Variants in ABCB5 observed in about 807,000 individuals in gnomAD.
ABCB5 encodes the protein ATP binding cassette subfamily B member 5, also known as ATP-binding cassette sub-family B member 5.
A neutral mutation model predicts 144.2 loss-of-function variants in ABCB5; 155 were observed. That is an observed-to-expected ratio of 1.08 (90% confidence interval 0.94 to 1.23). ABCB5 has a LOEUF of 1.23. ABCB5 is among the 50% of genes most tolerant of loss of function. The pLI is 0.00. For synonymous variants in ABCB5, 610 were observed against 528.6 expected (o/e 1.15, Z -2.11); for missense variants, 1,830 against 1,520.8 (o/e 1.20, Z -3.38).
chr7:20,638,540 C>A (rs1784213494), intron 5 of ABCB5, among the ~76,000 whole-genome samples: 1 of 152,192 alleles, frequency 6.6e-6, no homozygotes, highest in South Asian at 2.1e-4. Flanking sequence ...CTTGAGGCAA[C>A]TCCTTATCTG....
At chr7:20,693,189 C>A (rs1786291381) in intron 16 of ABCB5, among the ~76,000 whole-genome samples, 1 of 151,552 alleles carries the variant, frequency 6.6e-6, no homozygotes, top group South Asian at 2.1e-4. Flanking sequence ...ATAGGGAGAC[C>A]CTGTTTCTAC....
intron 22 of ABCB5, among the ~76,000 whole-genome samples, chr7:20,727,730 A>G (rs1478166259): frequency 2.0e-5 from 3 of 152,244 alleles, no homozygotes; most frequent in Admixed American, 6.5e-5. Flanking sequence ...ACACAGCAAG[A>G]GAAAAGAGCT....
rs761427309 is a variant in ABCB5 at position 20,698,477 on chromosome 7, T to G, written c.2081T>G (p.Leu694Arg). 3 of 1,605,032 alleles carry G rather than the reference T, an allele frequency of 1.9e-6. No homozygotes were observed. Among genetic ancestry groups the G allele is most frequent in the Non-Finnish European group, 2.5e-6 (3 of 1,177,178 alleles). ...AAGCCTGAATGGCCTTTTGTGGTTC[T>G]GGGGACATTGGCTTCTGTTCTAAAT... ...LNKPEWPFVVLGTLASVLNGT... is the reference protein window; with the variant it reads ...LNKPEWPFVVRGTLASVLNGT... The change falls in exon 17 of 28, where the codon CTG (leucine) becomes CGG (arginine). Residue 694 changes from leucine to arginine, a missense_variant. Coordinates refer to ENST00000404938, the MANE Select transcript of ABCB5 (RefSeq NM_001163941.2).
At position 20,645,635 on chromosome 7, in the gene ABCB5, G is replaced by A. The variant is rs985230100; in HGVS notation, c.679-121G>A. ...TTGAAGACAAATTTTTAAAAATACA[G>A]AGATAAAGTCTAAAAAAATACCATT... On this transcript the variant is annotated intron_variant, in intron 7 of 27. Transcript: ENST00000404938. 7 of 1,247,076 alleles carry A rather than the reference G, an allele frequency of 5.6e-6. No homozygotes were observed. The African/African-American group carries it at 9.1e-5, about 16-fold the overall frequency. The allele number at this position is 1,247,076 out of a possible 1,614,324, so 77.3% of individuals were successfully genotyped here.
intron 14 of ABCB5, chr7:20,659,968 G>A (rs1373547178): frequency 2.6e-5 from 26 of 985,302 alleles, no homozygotes; most frequent in Admixed American, 1.8e-4. Context: ...ACAGGTGTGC[G>A]TCTCCGCGCC....
intron 14 of ABCB5, chr7:20,666,640 C>G: frequency 7.7e-7 from 1 of 1,292,580 alleles, no homozygotes; most frequent in Non-Finnish European, 1.0e-6. Flanking sequence ...CAAGTAGAGA[C>G]CTGTCTTCCT....
chr7:20,723,275 C>G, intron 21 of ABCB5, 56 bp downstream of exon 21: 1 of 1,526,352 alleles, frequency 6.6e-7, no homozygotes, highest in Non-Finnish European at 9.0e-7. Context: ...ACAGTCAGAA[C>G]TTTATGATAT....
In ABCB5 at chr7:20,755,637, A is replaced by G. The variant is rs778511230; in HGVS notation, c.*13A>G. The G allele has an allele frequency of 6.2e-7, 1 of 1,612,756 alleles. No individual in the cohort carries two copies. The highest frequency in any genetic ancestry group is 2.2e-5 in the East Asian group (1 of 44,874). ...GTCAGTGCAGTGATGCTGTTGAGGT[A>G]GCACATATTTTGATGTTCGTGTAAT... On this transcript the variant is annotated 3_prime_UTR_variant, in exon 28 of 28. Coordinates refer to ENST00000404938, the MANE Select transcript of ABCB5 (RefSeq NM_001163941.2).
At chr7:20,626,855 GTGT>G (rs1783921143) in intron 3 of ABCB5, among the ~76,000 whole-genome samples, 1 of 13,772 alleles carries the variant, frequency 7.3e-5, no homozygotes, top group Admixed American at 5.5e-4. Context: ...TGTTTTTGGG[GTGT>G]GTGTGTGTGT....
At chr7:20,735,144 G>C (rs2128053359) in intron 23 of ABCB5, among the ~76,000 whole-genome samples, 1 of 152,246 alleles carries the variant, frequency 6.6e-6, no homozygotes, top group East Asian at 1.9e-4. Context: ...AAAGAATCAA[G>C]ATATGGCAGC....
At chr7:20,624,087 A>T (rs183775980) in intron 2 of ABCB5, among the ~76,000 whole-genome samples, 103 of 152,312 alleles carry the variant, frequency 6.8e-4, no homozygotes, top group African/African-American at 2.3e-3. Context: ...TCCCAAAGTA[A>T]ATGTTCTCCT....
Position 20,674,749 on chromosome 7 carries a change from TACACACACACACAC to T in ABCB5, c.1708-6734_1708-6721del, listed in dbSNP as rs71555815. On this transcript the variant is annotated intron_variant, in intron 14 of 27. Transcript: ENST00000404938. ...CTTAAAATTTGAAAACTCTAAAGACTACACACACACACACACACACACACACACACACACAAACT... is the reference window on the plus strand; with the variant it reads ...CTTAAAATTTGAAAACTCTAAAGACTACACACACACACACACACACAAACT... Among the ~76,000 whole-genome samples, 250 of 140,344 alleles carry T rather than the reference TACACACACACACAC, an allele frequency of 1.8e-3. 1 individual carries two copies. Among genetic ancestry groups the T allele is most frequent in the African/African-American group, 6.4e-3 (243 of 38,176 alleles). The allele number at this position is 140,344 out of a possible 152,430, so 92.1% of individuals were successfully genotyped here.
intron 2 of ABCB5, 142 bp downstream of exon 2, chr7:20,623,480 AGT>A (rs1783843471): frequency 1.4e-6 from 1 of 695,632 alleles, no homozygotes; most frequent in Non-Finnish European, 2.5e-6. Context: ...GAACATAAGC[AGT>A]CTTATAATTA....
intron 14 of ABCB5, among the ~76,000 whole-genome samples, chr7:20,681,152 C>T (rs942309291): frequency 1.4e-5 from 2 of 146,242 alleles, no homozygotes; most frequent in Non-Finnish European, 3.0e-5. Flanking sequence ...TTTTTTGAGA[C>T]GGAGTTTCCT....
intron 14 of ABCB5, among the ~76,000 whole-genome samples, chr7:20,681,024 TTCTTTCTTTCTC>T (rs1223015566): frequency 1.9e-4 from 2 of 10,280 alleles, no homozygotes; most frequent in African/African-American, 3.2e-4. Flanking sequence ...CTTTCTTTCT[TTCTTTCTTTCTC>T]TTTCTTTCTT....
At chr7:20,619,368 A>G (rs1023213524) in intron 1 of ABCB5, among the ~76,000 whole-genome samples, 4 of 151,982 alleles carry the variant, frequency 2.6e-5, no homozygotes, top group Middle Eastern at 3.2e-3. Flanking sequence ...TGACTTTTTG[A>G]TAATAGCCAT....
intron 5 of ABCB5, chr7:20,641,459 G>T (rs1784293728): frequency 6.6e-6 from 1 of 152,504 alleles, no homozygotes; most frequent in Non-Finnish European, 1.5e-5. Context: ...GAGGCAGGAG[G>T]ATTCCTTAAG....
intron 20 of ABCB5, among the ~76,000 whole-genome samples, chr7:20,721,549 C>G (rs1425648877): frequency 6.6e-6 from 1 of 152,084 alleles, no homozygotes; most frequent in African/African-American, 2.4e-5. Flanking sequence ...CCCTTCTGCC[C>G]TACTGTTTCC....
intron 1 of ABCB5, among the ~76,000 whole-genome samples, chr7:20,617,967 T>C (rs1562523672): frequency 1.3e-5 from 2 of 152,108 alleles, no homozygotes; most frequent in Admixed American, 1.3e-4. Flanking sequence ...AAATAAACAC[T>C]GACAGAAGCA....
Sources: allele counts gnomAD v4.1 joint callset (sites outside exome capture counted in the v4.1 genomes callset), GRCh38; gene constraint gnomAD v4.1.1; transcripts MANE v1.5; gene names NCBI Gene and HGNC (gene_info 2026-07-23, HGNC 2026-07-21).